PRKCG: variants seen among roughly 807,000 people sequenced by gnomAD.
PRKCG encodes protein kinase C gamma, also known as protein kinase C gamma type.
A neutral mutation model predicts 82.0 loss-of-function variants in PRKCG; 28 were observed. That is an observed-to-expected ratio of 0.34 (90% CI 0.25 to 0.47). The LOEUF (loss-of-function observed/expected upper bound fraction) is 0.47, where lower values mean the gene tolerates loss of function less well. Ranked by LOEUF, PRKCG falls within the 20% of genes least tolerant of loss-of-function variation. The pLI is 1.00. For synonymous variants in PRKCG, 383 were observed against 376.6 expected (o/e 1.02, Z -0.20); for missense variants, 640 against 952.7 (o/e 0.67, Z 4.32).
At chr19:53,896,404 A>G (rs1029164120) in intron 9 of PRKCG, among the ~76,000 whole-genome samples, 27 of 148,058 alleles carry the variant, frequency 1.8e-4, no homozygotes, top group African/African-American at 6.6e-4. Flanking sequence ...TATTATTATT[A>G]TTATTATTAT....
In PRKCG at chr19:53,891,827, T is replaced by C. The variant is rs367543209; in HGVS notation, c.683T>C (p.Val228Ala). The C allele has an allele frequency of 6.2e-7, 1 of 1,613,782 alleles. No homozygotes were observed. Among genetic ancestry groups the C allele is most frequent in the Non-Finnish European group, 8.5e-7 (1 of 1,179,926 alleles). The part of the protein sequence containing the change: ...TLNPVWNETF[V>A]FNLKPGDVER... Reference sequence around the variant, plus strand: ...AACCCTGTGTGGAATGAGACCTTTGTGTTGTGAGTCTGGGGTGCAGGGAAG... The same window carrying C: ...AACCCTGTGTGGAATGAGACCTTTGCGTTGTGAGTCTGGGGTGCAGGGAAG... Residue 228 changes from valine (V) to alanine (A), a missense_variant, in exon 6 of 18, where the codon GTG becomes GCG. By Grantham distance (64) the Val-to-Ala change is moderately conservative (BLOSUM62 0). Transcript: ENST00000263431.
In PRKCG at chr19:53,906,310, C is replaced by G. The variant is rs764043533; in HGVS notation, c.1765-7C>G. 1 of 1,551,262 alleles carries G rather than the reference C, an allele frequency of 6.4e-7. No individual in the cohort carries two copies. The highest frequency in any genetic ancestry group is 8.7e-7 in the Non-Finnish European group (1 of 1,146,932). ...TGTCTGTCTGTCTCTCTCTGTGTTT[C>G]CCACAGTTCCTGACCAAGCACCCAG... On this transcript the variant is annotated splice_region_variant and splice_polypyrimidine_tract_variant and intron_variant, in intron 16 of 17. Coordinates refer to ENST00000263431, the MANE Select transcript of PRKCG (RefSeq NM_002739.5).
upstream of PRKCG, chr19:53,882,196 C>A (rs1193564693): frequency 3.2e-5 from 14 of 431,024 alleles, no homozygotes; most frequent in Admixed American, 6.0e-4. This position sits in a 1 kb window ranked among gnomAD's most constrained non-coding sequence, Gnocchi z 6.1. Context: ...CCGGGGCTCC[C>A]ACATTTCAGC....
chr19:53,904,871 T>C, intron 16 of PRKCG, 129 bp downstream of exon 16: 1 of 777,294 alleles, frequency 1.3e-6, no homozygotes, highest in Non-Finnish European at 2.2e-6. Context: ...AAAGTTGATA[T>C]GATGCATAGG....
Position 53,900,845 on chromosome 19 carries a change from G to A in PRKCG, c.1575+96G>A. On this transcript the variant is annotated intron_variant, in intron 14 of 17. Coordinates refer to ENST00000263431, the MANE Select transcript of PRKCG (RefSeq NM_002739.5). This position sits in a 1 kb window ranked among gnomAD's most constrained non-coding sequence, Gnocchi z 4.2. ...CACCACGGGTGAGGCCTGACCCTCA[G>A]ACCTTGTCATGAGTTGTGGCCTTCT... 1 of 1,587,378 alleles carries A rather than the reference G, an allele frequency of 6.3e-7. No individual in the cohort carries two copies. The highest frequency in any genetic ancestry group is 1.1e-5 in the South Asian group (1 of 90,224).
At chr19:53,893,130 A>C in intron 8 of PRKCG, 55 bp downstream of exon 8, 1 of 1,539,190 alleles carries the variant, frequency 6.5e-7, no homozygotes. Context: ...CACGGTTCAG[A>C]GCTGGCCTTT....
chr19:53,899,839 G>A (rs57694356), intron 11 of PRKCG, among the ~76,000 whole-genome samples: 7,423 of 152,112 alleles, frequency 0.049, 576 homozygotes, highest in African/African-American at 0.16. Flanking sequence ...CACCCGCTTC[G>A]GCCTCCCAAA....
rs781604452 is a variant in PRKCG, at chr19:53,892,511, A to T, written c.689A>T (p.Asn230Ile). ...CCATCCACCCCACCTTCCTGCAGCA[A>T]CCTGAAGCCAGGGGATGTGGAGCGC... is the stretch of plus-strand genomic sequence containing the variant. ...NPVWNETFVF[N>I]LKPGDVERRL... The change falls in exon 7 of 18, where the codon AAC becomes ATC. Residue 230 changes from asparagine to isoleucine, a missense_variant and splice_region_variant. Physicochemically the swap from Asn to Ile is moderately radical, Grantham distance 149. Coordinates refer to ENST00000263431, the MANE Select transcript of PRKCG (RefSeq NM_002739.5). This position sits in a 1 kb window ranked among gnomAD's most constrained non-coding sequence, Gnocchi z 5.9. 6.2e-7 allele frequency: 1 copy of T among 1,611,566 alleles called. No homozygotes were observed. Among genetic ancestry groups the T allele is most frequent in the Admixed American group, 1.7e-5 (1 of 59,842 alleles).
chr19:53,895,666 C>A (rs1053390556), intron 9 of PRKCG, among the ~76,000 whole-genome samples: 1 of 152,178 alleles, frequency 6.6e-6, no homozygotes, highest in Non-Finnish European at 1.5e-5. Context: ...CATTCCCCAG[C>A]CTTTCTGCAG....
chr19:53,885,105 G>A (rs950623697), intron 3 of PRKCG, among the ~76,000 whole-genome samples: 2 of 152,202 alleles, frequency 1.3e-5, no homozygotes, highest in Non-Finnish European at 2.9e-5. Context: ...GAAGCATTCT[G>A]TACATGCACT....
intron 8 of PRKCG, 101 bp from the exon 9 acceptor site, chr19:53,893,261 T>C: frequency 7.2e-7 from 1 of 1,389,792 alleles, no homozygotes; most frequent in Non-Finnish European, 1.0e-6. Context: ...ATAGTTCCTA[T>C]CTATCGCCAT....
chr19:53,900,984 T>C lies in PRKCG; in HGVS notation c.1575+235T>C, dbSNP rs142433322. Among the ~76,000 whole-genome samples the C allele has an allele frequency of 6.6e-6, 1 of 152,304 alleles. No individual in the cohort carries two copies. Among genetic ancestry groups the C allele is most frequent in the African/African-American group, 2.4e-5 (1 of 41,572 alleles). On this transcript the variant is annotated intron_variant, in intron 14 of 17. Transcript: ENST00000263431. This position sits in a 1 kb window ranked among gnomAD's most constrained non-coding sequence, Gnocchi z 4.2. ...AAGGTGGGCAGCACCTGTGGGTGAA[T>C]GTTCCAGGAGAGTGGGACCAGCTCG... is the stretch of plus-strand genomic sequence containing the variant.
chr19:53,901,271 C>A (rs1024014938), intron 14 of PRKCG, among the ~76,000 whole-genome samples: 1 of 152,100 alleles, frequency 6.6e-6, no homozygotes, highest in African/African-American at 2.4e-5. Context: ...CAGCTGGGCG[C>A]GGTGGCTCAC....
At chr19:53,894,269 GT>G in intron 9 of PRKCG, among the ~76,000 whole-genome samples, 1 of 149,086 alleles carries the variant, frequency 6.7e-6, no homozygotes, top group East Asian at 2.0e-4. Flanking sequence ...GTTTCACCGT[GT>G]TAGCCAGGAT....
rs1162741234 is a variant in PRKCG, at chr19:53,889,736, C to G, written c.384C>G (p.Gly128=). The change falls in exon 4 of 18, where the codon GGC becomes GGG. Residue 128 remains glycine, a synonymous_variant. Coordinates refer to ENST00000263431, the MANE Select transcript of PRKCG (RefSeq NM_002739.5). The surrounding 1 kb of genome is among the most constrained non-coding windows in gnomAD (Gnocchi z 4.4). The stretch of plus-strand genomic sequence containing the variant: ...TCCTCTACGGGCTTGTGCACCAGGG[C>G]ATGAAATGCTCCTGTGAGTGACCTG... ...GSLLYGLVHQ[G]MKCSCCEMNV... 2.5e-6 allele frequency: 4 copies of G among 1,613,968 alleles called. No individual in the cohort carries two copies. Among genetic ancestry groups the G allele is most frequent in the Non-Finnish European group, 3.4e-6 (4 of 1,179,922 alleles).
intron 3 of PRKCG, among the ~76,000 whole-genome samples, chr19:53,887,613 G>A (rs1018278206): frequency 7.1e-4 from 104 of 146,656 alleles, no homozygotes; most frequent in African/African-American, 2.6e-3. Flanking sequence ...AGCGGATCAC[G>A]AGGTCAGGAG....
chr19:53,883,114 G>GGGAC lies in PRKCG; in HGVS notation c.171-48_171-47insGACG, dbSNP rs1475370224. ...CCCCCTGTGGCTCGCAGAGGTTGGG[G>GGGAC]GTCCAGGTACCCCTTTCTGCACTGA... On this transcript the variant is annotated intron_variant, in intron 1 of 17. Coordinates refer to ENST00000263431, the MANE Select transcript of PRKCG (RefSeq NM_002739.5). This position sits in a 1 kb window ranked among gnomAD's most constrained non-coding sequence, Gnocchi z 5.4. 5 of 1,611,916 alleles carry GGGAC rather than the reference G, an allele frequency of 3.1e-6. No homozygotes were observed. The highest frequency in any genetic ancestry group is 4.2e-6 in the Non-Finnish European group (5 of 1,178,134).
In PRKCG at chr19:53,893,039, C is replaced by T. The variant is rs779525777; in HGVS notation, c.873C>T (p.Ala291=). The change falls in exon 8 of 18, where the codon GCC becomes GCT. Residue 291 remains alanine, a synonymous_variant. Coordinates refer to ENST00000263431, the MANE Select transcript of PRKCG (RefSeq NM_002739.5). ...EEGEYYNVPV[A]DADNCSLLQK... The stretch of plus-strand genomic sequence containing the variant: ...GCGAGTATTACAATGTGCCGGTGGC[C>T]GATGCTGACAACTGCAGCCTCCTCC... The T allele has an allele frequency of 7.4e-6, 12 of 1,613,926 alleles. No homozygotes were observed. The highest frequency in any genetic ancestry group is 9.3e-6 in the Non-Finnish European group (11 of 1,180,002).
intron 9 of PRKCG, among the ~76,000 whole-genome samples, chr19:53,897,065 C>T (rs1392257821): frequency 2.0e-5 from 3 of 152,030 alleles, no homozygotes; most frequent in Non-Finnish European, 4.4e-5. Flanking sequence ...GGAGGGAGGA[C>T]AATGAGTGTC....
Sources: allele counts gnomAD v4.1 joint callset (sites outside exome capture counted in the v4.1 genomes callset), GRCh38; gene constraint gnomAD v4.1.1; non-coding constraint Gnocchi (gnomAD v3.1); transcripts MANE v1.5; gene names NCBI Gene and HGNC (gene_info 2026-07-23, HGNC 2026-07-21).